Variants in IL7 observed in about 807,000 individuals in gnomAD.
The protein encoded by IL7 is interleukin 7.
A neutral mutation model predicts 21.6 loss-of-function variants in IL7; 3 were observed. The observed-to-expected ratio is 0.14, with a 90% CI of 0.06 to 0.36. The LOEUF is 0.36. Ranked by LOEUF, IL7 falls within the 10% of genes least tolerant of loss-of-function variation. The pLI, the probability that IL7 is intolerant of heterozygous loss-of-function variation, is 1.00. For missense variants in IL7, 175 were observed against 200.2 expected (o/e 0.87, Z 0.76); for synonymous variants, 62 against 68.1 (o/e 0.91, Z 0.44).
chr8:78,695,658 A>G (rs10957897), intron 3 of IL7, among the ~76,000 whole-genome samples: 1 of 151,832 alleles, frequency 6.6e-6, no homozygotes, highest in Non-Finnish European at 1.5e-5. Context: ...TTCTCTCTCT[A>G]TATATATATA....
At chr8:78,773,658 C>A (rs899110920) in intron 2 of IL7, among the ~76,000 whole-genome samples, 32 of 152,114 alleles carry the variant, frequency 2.1e-4, no homozygotes, top group Admixed American at 1.3e-4. Flanking sequence ...ATTAGTCCTG[C>A]AATAGCCAGT....
At chr8:78,689,313 T>G in intron 3 of IL7, 1 of 1,605,136 alleles carries the variant, frequency 6.2e-7, no homozygotes, top group Non-Finnish European at 8.5e-7. Flanking sequence ...CAGCACGTAT[T>G]AGTAATAAAG....
intron 3 of IL7, 23 bp downstream of exon 3, chr8:78,739,979 A>G: frequency 6.7e-7 from 1 of 1,499,942 alleles, no homozygotes; most frequent in South Asian, 1.4e-5. Flanking sequence ...CTTGAATGAC[A>G]AACTCCAAAT....
At chr8:78,797,953 C>T in intron 2 of IL7, 119 bp downstream of exon 2, 1 of 687,326 alleles carries the variant, frequency 1.5e-6, no homozygotes, top group Non-Finnish European at 2.4e-6. Flanking sequence ...AAATTTTATT[C>T]TATAGTTACT....
At chr8:78,738,952 A>T (rs1811685358) in intron 3 of IL7, among the ~76,000 whole-genome samples, 1 of 152,220 alleles carries the variant, frequency 6.6e-6, no homozygotes, top group Non-Finnish European at 1.5e-5. Context: ...TAAACATGAT[A>T]ACCGAAGGAG....
chr8:78,689,595 C>T (rs1234957729), intron 3 of IL7, among the ~76,000 whole-genome samples: 1 of 151,680 alleles, frequency 6.6e-6, no homozygotes, highest in African/African-American at 2.4e-5. Flanking sequence ...TTCCCTTTTT[C>T]TATGTGGATA....
chr8:78,706,004 A>C (rs545351906), intron 3 of IL7, among the ~76,000 whole-genome samples: 10 of 152,238 alleles, frequency 6.6e-5, no homozygotes, highest in African/African-American at 2.4e-4. Flanking sequence ...ATGGATTGGG[A>C]ACCTGCTTAA....
chr8:78,679,962 G>A (rs1809714760), intron 4 of IL7, among the ~76,000 whole-genome samples: 1 of 152,122 alleles, frequency 6.6e-6, no homozygotes, highest in South Asian at 2.1e-4. Context: ...ATCTTTGGAA[G>A]CAGTGTAATA....
Position 78,697,358 on chromosome 8 carries a change from C to A in IL7, n.215-11411G>T, listed in dbSNP as rs201882613. On this transcript the variant is annotated intron_variant and non_coding_transcript_variant, in intron 3 of 4. Coordinates refer to the IL7 transcript ENST00000523959. ...AAGTTTTGAACCACTACTTTACAAT[C>A]CATAATCAAAAAGTGATGTTGATTA... 2.0e-5 allele frequency: 29 copies of A among 1,433,512 alleles called. No individual in the cohort carries two copies. In the East Asian group the frequency reaches 6.5e-4, roughly 32 times the overall value. The allele number at this position is 1,433,512 out of a possible 1,614,324, so 88.8% of individuals were successfully genotyped here. A position where few individuals can be genotyped will look rare whatever the true frequency, so the allele number is the denominator to read the frequency against.
chr8:78,702,066 T>C (rs1011284938), intron 3 of IL7, among the ~76,000 whole-genome samples: 2 of 152,184 alleles, frequency 1.3e-5, no homozygotes, highest in Non-Finnish European at 1.5e-5. Flanking sequence ...TCTTTGTGCA[T>C]CTAGTAGAAT....
intron 4 of IL7, among the ~76,000 whole-genome samples, chr8:78,737,670 C>A (rs763284480): frequency 2.6e-5 from 4 of 152,104 alleles, no homozygotes; most frequent in Admixed American, 1.3e-4. Context: ...ATTTTACCTT[C>A]TATGGGAAAC....
intron 2 of IL7, among the ~76,000 whole-genome samples, chr8:78,779,157 G>A (rs533438188): frequency 6.6e-6 from 1 of 152,284 alleles, no homozygotes; most frequent in East Asian, 1.9e-4. Flanking sequence ...AGACAATGGG[G>A]TTTTCTAGAT....
intron 3 of IL7, chr8:78,686,589 T>C: frequency 6.6e-7 from 1 of 1,523,070 alleles, no homozygotes; most frequent in Non-Finnish European, 8.8e-7. Flanking sequence ...CTCCTCCTCC[T>C]CCACCTTCTT....
chr8:78,717,601 A>G (rs1563642878), downstream of IL7: 10 of 1,226,642 alleles, frequency 8.2e-6, no homozygotes, highest in East Asian at 4.8e-5. Context: ...TACTCGAAAT[A>G]CCATTTCCAG....
rs868819364 is a variant in IL7 at position 78,750,941 on chromosome 8, C to T, written c.148-10859G>A. ...AAATTTAAGCAGAGAGATTAAAATT[C>T]TAGGAAATAATTTTAAAATGATAAA... On this transcript the variant is annotated intron_variant, in intron 2 of 5. Coordinates refer to ENST00000263851, the MANE Select transcript of IL7 (RefSeq NM_000880.4). 9.9e-5 allele frequency among the ~76,000 whole-genome samples: 15 copies of T among 151,906 alleles called. No individual in the cohort carries two copies. In the South Asian group the frequency reaches 3.1e-3, roughly 32 times the overall value.
At chr8:78,705,014 T>C (rs1376036833) in intron 3 of IL7, among the ~76,000 whole-genome samples, 4 of 152,218 alleles carry the variant, frequency 2.6e-5, no homozygotes, top group African/African-American at 9.7e-5. Flanking sequence ...TTTATCATGA[T>C]TTTTAGCTTC....
chr8:78,768,220 A>G (rs947203048), intron 2 of IL7, among the ~76,000 whole-genome samples: 62 of 152,210 alleles, frequency 4.1e-4, no homozygotes, highest in African/African-American at 1.3e-3. Context: ...GAATAGTGCC[A>G]CAATAAACAT....
At chr8:78,732,457 A>G (rs1320562435), downstream of IL7, among the ~76,000 whole-genome samples, 1 of 152,088 alleles carries the variant, frequency 6.6e-6, no homozygotes, top group African/African-American at 2.4e-5. Flanking sequence ...ACATAACTAG[A>G]TGGTGATGAG....
chr8:78,713,968 T>C (rs933651383), downstream of IL7, among the ~76,000 whole-genome samples: 8 of 152,208 alleles, frequency 5.3e-5, no homozygotes, highest in Non-Finnish European at 8.8e-5. Context: ...TACCTGCATG[T>C]ACTTTGGAAG....
Sources: gnomAD v4.1 joint callset for allele counts (sites outside exome capture counted in the v4.1 genomes callset) on GRCh38, gnomAD v4.1.1 for gene constraint, MANE v1.5 for transcripts, NCBI Gene and HGNC (gene_info 2026-07-23, HGNC 2026-07-21) for gene names.